SMG6: variants seen among roughly 807,000 people sequenced by gnomAD.
SMG6 encodes the protein SMG6 nonsense mediated mRNA decay factor.
Under a neutral mutation model 142.2 loss-of-function variants are expected in SMG6, and 66 were observed. The ratio of observed to expected loss-of-function variants is 0.46; its 90% confidence interval spans 0.38 to 0.57. SMG6 has a LOEUF of 0.57. Among genes scored for constraint, SMG6 ranks in the 20% least tolerant of loss-of-function variants. The pLI, the probability that SMG6 is intolerant of heterozygous loss-of-function variation, is 0.00. For synonymous variants in SMG6, 779 were observed against 702.4 expected (o/e 1.11, Z -1.72); for missense variants, 1,793 against 1,832.0 (o/e 0.98, Z 0.39).
rs569195305 is a variant in SMG6 at position 2,075,013 on chromosome 17, C to T, written c.3682-6082G>A. Among the ~76,000 whole-genome samples, 20 of 152,180 alleles carry T rather than the reference C, an allele frequency of 1.3e-4. No homozygotes were observed. In the South Asian group the frequency reaches 4.1e-3, roughly 31 times the overall value. ...CACTCAGGTTTTGGGGAGGCTGGAG[C>T]GGGTCTGGGTGGGAAGGGCGGATGC... On this transcript the variant is annotated intron_variant, in intron 15 of 18. Coordinates refer to ENST00000263073, the MANE Select transcript of SMG6 (RefSeq NM_017575.5).
chr17:2,112,718 C>T (rs1275271921), intron 13 of SMG6, among the ~76,000 whole-genome samples: 1 of 147,698 alleles, frequency 6.8e-6, no homozygotes, highest in African/African-American at 2.5e-5. Flanking sequence ...AAAAGCAAAA[C>T]AGCAAACAAT....
chr17:2,287,171 G>A (rs888275185), intron 6 of SMG6, among the ~76,000 whole-genome samples: 10 of 152,020 alleles, frequency 6.6e-5, no homozygotes, highest in Non-Finnish European at 8.8e-5. Flanking sequence ...CGCCCGCCTC[G>A]GCCTCCCAAA....
intron 6 of SMG6, among the ~76,000 whole-genome samples, chr17:2,283,972 T>A (rs557237321): frequency 2.6e-5 from 4 of 152,292 alleles, no homozygotes; most frequent in African/African-American, 9.6e-5. Context: ...CAAGTACTCA[T>A]AAGGAGAGAA....
At chr17:2,215,663 T>C (rs1207725355) in intron 10 of SMG6, 1 of 151,990 alleles carries the variant, frequency 6.6e-6, no homozygotes, top group East Asian at 1.9e-4. Context: ...TACTTGTGTG[T>C]GTGGGGGGGG....
At chr17:2,289,829 C>T (rs920411080) in intron 6 of SMG6, among the ~76,000 whole-genome samples, 2 of 151,694 alleles carry the variant, frequency 1.3e-5, no homozygotes. Flanking sequence ...AGGAGAATAG[C>T]TTGAACCCAG....
intron 9 of SMG6, chr17:2,237,638 G>A: frequency 1.1e-6 from 1 of 870,160 alleles, no homozygotes; most frequent in Non-Finnish European, 1.4e-6. Flanking sequence ...AATACAGGAA[G>A]AGGCTGTAAC....
At chr17:2,150,248 C>T (rs2070786490) in intron 13 of SMG6, among the ~76,000 whole-genome samples, 1 of 152,230 alleles carries the variant, frequency 6.6e-6, no homozygotes, top group South Asian at 2.1e-4. Flanking sequence ...GAGAACCTAA[C>T]TAATGCTGGA....
At chr17:2,283,041 A>AT (rs1270990793) in intron 7 of SMG6, among the ~76,000 whole-genome samples, 182 bp from the exon 8 acceptor site, 4 of 152,130 alleles carry the variant, frequency 2.6e-5, no homozygotes, top group Non-Finnish European at 5.9e-5. Flanking sequence ...GTGGTGGCGC[A>AT]TATCTGTAAT....
chr17:2,107,701 G>A (rs1347425158), intron 13 of SMG6, among the ~76,000 whole-genome samples: 2 of 152,182 alleles, frequency 1.3e-5, no homozygotes, highest in Non-Finnish European at 2.9e-5. Flanking sequence ...CTTGGAGCTG[G>A]AAGAGGGTGA....
intron 13 of SMG6, among the ~76,000 whole-genome samples, chr17:2,134,720 T>C (rs2070236728): frequency 6.6e-6 from 1 of 152,126 alleles, no homozygotes; most frequent in Non-Finnish European, 1.5e-5. Context: ...CACTACTAAA[T>C]TATCTCAGTA....
Position 2,065,479 on chromosome 17 carries a change from T to G in SMG6, c.4036A>C (p.Thr1346Pro). 1.9e-6 allele frequency: 3 copies of G among 1,612,472 alleles called. No individual in the cohort carries two copies. In the South Asian group the frequency reaches 3.3e-5, roughly 18 times the overall value. The change falls in exon 17 of 19, where the codon ACT becomes CCT. Residue 1346 changes from threonine (T) to proline (P), a missense_variant. Transcript: ENST00000263073. ...CCACAGGGTCTCACCAGCTGGCCAGTGATGTCCTCACTGCGGAAGGCGATG... is the reference window on the plus strand; with the variant it reads ...CCACAGGGTCTCACCAGCTGGCCAGGGATGTCCTCACTGCGGAAGGCGATG... ...ESIAFRSEDI[T>P]GQLGNNDDLI...
At chr17:2,142,187 T>C (rs2070501972) in intron 13 of SMG6, among the ~76,000 whole-genome samples, 1 of 152,120 alleles carries the variant, frequency 6.6e-6, no homozygotes, top group Admixed American at 6.6e-5. Flanking sequence ...AAAATGTCTT[T>C]ATAACACCAA....
chr17:2,252,736 C>G (rs1158291305), intron 8 of SMG6, among the ~76,000 whole-genome samples: 1 of 152,018 alleles, frequency 6.6e-6, no homozygotes, highest in Non-Finnish European at 1.5e-5. Context: ...TCCTCAAGGA[C>G]GAGAGAGGGG....
At chr17:2,238,352 A>G (rs888478893) in intron 9 of SMG6, among the ~76,000 whole-genome samples, 1 of 152,108 alleles carries the variant, frequency 6.6e-6, no homozygotes, top group Non-Finnish European at 1.5e-5. Flanking sequence ...AAAACAAAAC[A>G]AAACTCTTTT....
intron 9 of SMG6, 105 bp from the exon 10 acceptor site, chr17:2,236,742 C>T: frequency 1.1e-6 from 1 of 927,902 alleles, no homozygotes; most frequent in Non-Finnish European, 1.5e-6. Context: ...CACACACACA[C>T]ACACACACAC....
rs150658766 is a variant in SMG6, at chr17:2,095,856, C to A, written c.3358-9955G>T. 2.9e-3 allele frequency among the ~76,000 whole-genome samples: 439 copies of A among 149,596 alleles called. 3 individuals carry two copies. Among genetic ancestry groups the A allele is most frequent in the East Asian group, 0.012 (60 of 5,030 alleles). ...AACCCTCGCCCACCCACCCCTCCCC[C>A]CAAAGATCACTACTGGCACTTGTGG... On this transcript the variant is annotated intron_variant, in intron 13 of 18. Transcript: ENST00000263073.
At position 2,286,963 on chromosome 17, in the gene SMG6, G is replaced by A. The variant is rs1027056588; in HGVS notation, c.2338-3228C>T. On this transcript the variant is annotated intron_variant, in intron 6 of 18. Coordinates refer to ENST00000263073, the MANE Select transcript of SMG6 (RefSeq NM_017575.5). ...TTTTTTTTTTTTGAGACAGAGTCTC[G>A]CTCTGTCGCTCAGGCTGGAGTGCAG... 1.6e-3 allele frequency among the ~76,000 whole-genome samples: 196 copies of A among 124,186 alleles called. 1 individual carries two copies. The highest frequency in any genetic ancestry group is 5.8e-3 in the African/African-American group (190 of 32,668). The allele number at this position is 124,186 out of a possible 152,430, so 81.5% of individuals were successfully genotyped here.
At chr17:2,135,961 G>T (rs985230652) in intron 13 of SMG6, among the ~76,000 whole-genome samples, 1 of 150,870 alleles carries the variant, frequency 6.6e-6, no homozygotes, top group Non-Finnish European at 1.5e-5. Context: ...GGGATTACAG[G>T]CATGAGATAC....
intron 13 of SMG6, among the ~76,000 whole-genome samples, chr17:2,162,043 T>A (rs1459245249): frequency 6.6e-6 from 1 of 152,116 alleles, no homozygotes; most frequent in Non-Finnish European, 1.5e-5. Flanking sequence ...TAAAAGTCAA[T>A]AACTTCCTAT....
Sources: allele counts gnomAD v4.1 joint callset (sites outside exome capture counted in the v4.1 genomes callset), GRCh38; gene constraint gnomAD v4.1.1; transcripts MANE v1.5; gene names NCBI Gene and HGNC (gene_info 2026-07-23, HGNC 2026-07-21).